Variants in KMT2E observed in about 807,000 individuals in gnomAD.
KMT2E encodes lysine methyltransferase 2E (inactive).
Under a neutral mutation model 184.6 loss-of-function variants are expected in KMT2E, and 30 were observed. The ratio of observed to expected loss-of-function variants is 0.16; its 90% CI spans 0.12 to 0.22. KMT2E has a LOEUF of 0.22. KMT2E is among the 10% of genes least tolerant of loss of function. The pLI, the probability that KMT2E is intolerant of heterozygous loss-of-function variation, is 1.00. For missense variants in KMT2E, 2,023 were observed against 2,237.4 expected (o/e 0.90, Z 1.93); for synonymous variants, 815 against 776.5 (o/e 1.05, Z -0.82).
At chr7:105,077,713 A>G (rs966561441) in intron 11 of KMT2E, 8 of 301,896 alleles carry the variant, frequency 2.6e-5, no homozygotes, top group African/African-American at 4.4e-5. Flanking sequence ...ACAGCAATAT[A>G]GGTTGGATAT....
At chr7:105,109,604 G>T (rs1394373567) in intron 23 of KMT2E, among the ~76,000 whole-genome samples, 1 of 152,152 alleles carries the variant, frequency 6.6e-6, no homozygotes, top group Non-Finnish European at 1.5e-5. Flanking sequence ...ATGGCAGGCA[G>T]CCACACTCAC....
At chr7:105,105,391 G>A (rs769524139) in intron 17 of KMT2E, 48 bp from the exon 18 acceptor site, 1 of 1,377,232 alleles carries the variant, frequency 7.3e-7, no homozygotes, top group Non-Finnish European at 9.9e-7. Context: ...ATTCAAGGGA[G>A]AATTTGGAAT....
chr7:105,089,199 C>CT (rs1385480656), intron 13 of KMT2E: 2 of 398,914 alleles, frequency 5.0e-6, no homozygotes, highest in South Asian at 1.8e-5. Context: ...AAATCCTAAA[C>CT]TTTTTTTGTT....
At chr7:105,059,891 G>T (rs1271595560) in intron 3 of KMT2E, among the ~76,000 whole-genome samples, 1 of 145,802 alleles carries the variant, frequency 6.9e-6, no homozygotes, top group Admixed American at 6.9e-5. Context: ...TATTAATTTT[G>T]AAATTAAGAA....
chr7:105,050,631 C>G (rs1268089147), intron 3 of KMT2E, among the ~76,000 whole-genome samples: 1 of 138,780 alleles, frequency 7.2e-6, no homozygotes, highest in Non-Finnish European at 1.6e-5. Context: ...CTTTTCTTTT[C>G]TTTTCTCTTT....
intron 7 of KMT2E, 22 bp from the exon 8 acceptor site, chr7:105,074,621 A>G (rs1180438496): frequency 6.9e-7 from 1 of 1,459,174 alleles, no homozygotes; most frequent in Non-Finnish European, 9.1e-7. Context: ...TAAATGTGCA[A>G]TAATTTTTAT....
At chr7:105,057,557 G>A (rs1169220197) in intron 3 of KMT2E, among the ~76,000 whole-genome samples, 1 of 151,718 alleles carries the variant, frequency 6.6e-6, no homozygotes, top group Non-Finnish European at 1.5e-5. Flanking sequence ...TGATCCTTTT[G>A]CTTCAGCCTC....
At chr7:105,079,453 A>G (rs1051371557) in intron 12 of KMT2E, among the ~76,000 whole-genome samples, 1 of 149,250 alleles carries the variant, frequency 6.7e-6, no homozygotes, top group Non-Finnish European at 1.5e-5. Flanking sequence ...AGTCTTAAAA[A>G]TTACTTTGCA....
chr7:105,068,763 C>T (rs1797159619), intron 6 of KMT2E, among the ~76,000 whole-genome samples: 1 of 151,666 alleles, frequency 6.6e-6, no homozygotes, highest in African/African-American at 2.4e-5. Context: ...GCGAGAGCCA[C>T]CTTGCCCGGC....
intron 1 of KMT2E, among the ~76,000 whole-genome samples, chr7:105,020,591 A>AG (rs901060008): frequency 6.6e-6 from 1 of 152,202 alleles, no homozygotes; most frequent in African/African-American, 2.4e-5. Flanking sequence ...CTCTAAAAAA[A>AG]TAAATAAAGT....
intron 3 of KMT2E, among the ~76,000 whole-genome samples, chr7:105,059,978 G>GTTGTTTTTTTTTTTT (rs1796734822): frequency 7.7e-5 from 4 of 51,766 alleles, no homozygotes; most frequent in African/African-American, 1.7e-4. Flanking sequence ...TCTTGTTGTT[G>GTTGTTTTTTTTTTTT]TTTTTTTTTT....
At chr7:105,081,574 T>A in intron 12 of KMT2E, 114 bp from the exon 13 acceptor site, 1 of 664,532 alleles carries the variant, frequency 1.5e-6, no homozygotes, top group South Asian at 1.7e-5. Flanking sequence ...AATGACATAT[T>A]TTCCAGGTTG....
chr7:105,106,823 T>C, intron 20 of KMT2E, 51 bp downstream of exon 20: 2 of 1,574,624 alleles, frequency 1.3e-6, no homozygotes, highest in Non-Finnish European at 1.7e-6. Flanking sequence ...GGGGATGGAA[T>C]TTCTTTTAAG....
chr7:105,034,036 G>A (rs1230732296), intron 1 of KMT2E, among the ~76,000 whole-genome samples: 3 of 152,084 alleles, frequency 2.0e-5, no homozygotes, highest in African/African-American at 7.2e-5. Context: ...CCACAGAGTC[G>A]GGGCCCTCAT....
intron 15 of KMT2E, among the ~76,000 whole-genome samples, chr7:105,100,279 A>C (rs1034805814): frequency 6.6e-6 from 1 of 152,184 alleles, no homozygotes; most frequent in Non-Finnish European, 1.5e-5. Flanking sequence ...ACAACAACAA[A>C]AATACAGGAA....
In KMT2E at chr7:105,110,617, G is replaced by T; in HGVS notation, c.3970+15G>T. ...ACTTATGGAAGGTCAGTAAGCAGAT[G>T]ACCGATAATGTTATTCTTAACAAAT... On this transcript the variant is annotated intron_variant, in intron 25 of 26. Transcript: ENST00000311117. The T allele has an allele frequency of 1.2e-6, 2 of 1,613,950 alleles. No individual in the cohort carries two copies. Among genetic ancestry groups the T allele is most frequent in the South Asian group, 1.1e-5 (1 of 91,032 alleles).
At chr7:105,063,297 A>T in intron 4 of KMT2E, 54 bp from the exon 5 acceptor site, 1 of 1,281,538 alleles carries the variant, frequency 7.8e-7, no homozygotes, top group Non-Finnish European at 1.1e-6. Flanking sequence ...TGCTTGGTTT[A>T]TATCATTGTT....
intron 3 of KMT2E, among the ~76,000 whole-genome samples, chr7:105,045,681 A>G (rs1270673388): frequency 1.3e-5 from 2 of 152,164 alleles, no homozygotes; most frequent in Non-Finnish European, 2.9e-5. Context: ...TATTTTGCTT[A>G]TCCATTCATC....
chr7:105,051,571 C>G (rs12531424), intron 3 of KMT2E, among the ~76,000 whole-genome samples: 34,920 of 152,026 alleles, frequency 0.23, 5,385 homozygotes, highest in East Asian at 0.58. Context: ...CCCTTAACCC[C>G]TATGTCTAAT....
Sources: gnomAD v4.1 joint callset for allele counts (sites outside exome capture counted in the v4.1 genomes callset) on GRCh38, gnomAD v4.1.1 for gene constraint, MANE v1.5 for transcripts, NCBI Gene and HGNC (gene_info 2026-07-23, HGNC 2026-07-21) for gene names.